The following NTNG1 variants were observed in gnomAD, a reference collection of about 807,000 sequenced individuals.
NTNG1 encodes netrin-G1.
In NTNG1, 16 loss-of-function variants were observed where a neutral mutation model predicts 54.0. The observed-to-expected ratio is 0.30, with a 90% confidence interval of 0.20 to 0.45. The LOEUF is 0.45. Ranked by LOEUF, NTNG1 falls within the 20% of genes least tolerant of loss-of-function variation. The pLI is 1.00. For synonymous variants in NTNG1, 255 were observed against 263.1 expected (o/e 0.97, Z 0.30); for missense variants, 530 against 678.7 (o/e 0.78, Z 2.43).
chr1:107,196,232 G>A (rs1004070277), intron 2 of NTNG1, among the ~76,000 whole-genome samples: 6 of 151,916 alleles, frequency 3.9e-5, no homozygotes, highest in African/African-American at 1.4e-4. Context: ...ATGGACTTAT[G>A]TTTAAACATA....
At chr1:107,473,571 A>C (rs1446747253) in intron 7 of NTNG1, among the ~76,000 whole-genome samples, 1 of 152,204 alleles carries the variant, frequency 6.6e-6, no homozygotes, top group Non-Finnish European at 1.5e-5. Context: ...AATGTATGTG[A>C]CAATCAAGAA....
In NTNG1 at chr1:107,287,868, T is replaced by A. The variant is rs78469034; in HGVS notation, c.247-36414T>A. 3.6e-3 allele frequency among the ~76,000 whole-genome samples: 554 copies of A among 152,232 alleles called. 6 individuals are homozygous for A. Among genetic ancestry groups the A allele is most frequent in the African/African-American group, 0.013 (529 of 41,548 alleles). On this transcript the variant is annotated intron_variant, in intron 2 of 7. Coordinates refer to ENST00000370068, the MANE Select transcript of NTNG1 (RefSeq NM_001113226.3). The stretch of plus-strand genomic sequence containing the variant: ...GATTAGGATGAGGACAAGGAGGGTA[T>A]ATAATATAAGGTAATATAAGATAAA...
intron 2 of NTNG1, among the ~76,000 whole-genome samples, chr1:107,292,891 T>C (rs571339586): frequency 3.3e-5 from 5 of 152,240 alleles, no homozygotes; most frequent in African/African-American, 1.2e-4. Context: ...TACTTCCAAG[T>C]GTAATTTCCT....
intron 6 of NTNG1, among the ~76,000 whole-genome samples, chr1:107,433,504 G>C (rs1481279963): frequency 6.6e-6 from 1 of 152,134 alleles, no homozygotes; most frequent in Non-Finnish European, 1.5e-5. Flanking sequence ...TGAGAGAATA[G>C]CGCCACTGCA....
intron 2 of NTNG1, among the ~76,000 whole-genome samples, chr1:107,221,796 C>T (rs930463554): frequency 6.6e-6 from 1 of 152,086 alleles, no homozygotes; most frequent in Non-Finnish European, 1.5e-5. Context: ...CAAAGGAGTA[C>T]AATTGTCAGT....
intron 2 of NTNG1, among the ~76,000 whole-genome samples, chr1:107,205,956 A>G (rs1659159083): frequency 6.6e-6 from 1 of 152,164 alleles, no homozygotes; most frequent in African/African-American, 2.4e-5. Flanking sequence ...TAGGTTTTAA[A>G]ATTAATCTGC....
At chr1:107,340,045 C>T (rs189654254) in intron 3 of NTNG1, among the ~76,000 whole-genome samples, 2 of 152,112 alleles carry the variant, frequency 1.3e-5, no homozygotes, top group African/African-American at 2.4e-5. Flanking sequence ...GGAGGACAGA[C>T]GCTTTCTGGA....
chr1:107,424,148 G>A (rs1674736957), intron 5 of NTNG1, among the ~76,000 whole-genome samples: 1 of 152,104 alleles, frequency 6.6e-6, no homozygotes, highest in Admixed American at 6.6e-5. Context: ...AGGGATTAGG[G>A]AATGTGGGTG....
chr1:107,217,056 G>A (rs1438520666), intron 2 of NTNG1, among the ~76,000 whole-genome samples: 2 of 152,194 alleles, frequency 1.3e-5, no homozygotes, highest in African/African-American at 4.8e-5. Flanking sequence ...ATAGAATTCA[G>A]CAGTAAATCT....
intron 3 of NTNG1, among the ~76,000 whole-genome samples, chr1:107,386,946 A>C (rs1672038722): frequency 6.6e-6 from 1 of 152,182 alleles, no homozygotes; most frequent in South Asian, 2.1e-4. Flanking sequence ...CAGCCATCCT[A>C]GTGTGAATCG....
chr1:107,201,438 TTTC>T (rs1168565325), intron 2 of NTNG1, among the ~76,000 whole-genome samples: 1 of 151,914 alleles, frequency 6.6e-6, no homozygotes. Flanking sequence ...GTTACAAGGA[TTTC>T]TTCTTCATTT....
At chr1:107,191,608 G>T (rs2101200384) in intron 2 of NTNG1, among the ~76,000 whole-genome samples, 1 of 151,958 alleles carries the variant, frequency 6.6e-6, no homozygotes, top group East Asian at 1.9e-4. Context: ...TTTTGTATAA[G>T]GTGTAAGGAA....
At chr1:107,210,416 G>C (rs1659520468) in intron 2 of NTNG1, among the ~76,000 whole-genome samples, 1 of 152,228 alleles carries the variant, frequency 6.6e-6, no homozygotes, top group Admixed American at 6.5e-5. Flanking sequence ...GGAGAATAAA[G>C]AGATGAAACT....
At chr1:107,475,069 C>T (rs1250713215) in intron 7 of NTNG1, among the ~76,000 whole-genome samples, 2 of 152,118 alleles carry the variant, frequency 1.3e-5, no homozygotes, top group Non-Finnish European at 2.9e-5. Flanking sequence ...GTGGTAAAAC[C>T]CTAGGATGAG....
intron 2 of NTNG1, among the ~76,000 whole-genome samples, chr1:107,206,785 A>T (rs1257330844): frequency 1.3e-5 from 2 of 152,166 alleles, no homozygotes; most frequent in Non-Finnish European, 1.5e-5. Flanking sequence ...TGGAGGGCTT[A>T]TGAGTGAATC....
chr1:107,193,850 C>A (rs557049675), intron 2 of NTNG1, among the ~76,000 whole-genome samples: 183 of 151,870 alleles, frequency 1.2e-3, no homozygotes, highest in Non-Finnish European at 2.8e-4. Flanking sequence ...TTTCTTCCTT[C>A]CTTCTTCCTT....
intron 2 of NTNG1, among the ~76,000 whole-genome samples, chr1:107,248,534 T>C (rs1201079345): frequency 1.3e-5 from 2 of 152,180 alleles, no homozygotes; most frequent in African/African-American, 4.8e-5. Context: ...ACTACCCACT[T>C]GTCCTCAGGT....
intron 2 of NTNG1, among the ~76,000 whole-genome samples, chr1:107,284,604 A>C (rs900173158): frequency 1.2e-4 from 19 of 152,134 alleles, no homozygotes; most frequent in African/African-American, 4.6e-4. Context: ...AAATGTTTAC[A>C]TAATGCCAAG....
chr1:107,249,742 G>A (rs1662464109), intron 2 of NTNG1, among the ~76,000 whole-genome samples: 1 of 152,158 alleles, frequency 6.6e-6, no homozygotes, highest in South Asian at 2.1e-4. Context: ...CACATCGTTT[G>A]ACTCAGAGTT....
Sources: gnomAD v4.1 joint callset for allele counts (sites outside exome capture counted in the v4.1 genomes callset) on GRCh38, gnomAD v4.1.1 for gene constraint, MANE v1.5 for transcripts, NCBI Gene and HGNC (gene_info 2026-07-23, HGNC 2026-07-21) for gene names.